Variants in FGD6 observed in about 807,000 individuals in gnomAD.
The protein encoded by FGD6 is FYVE, RhoGEF and PH domain-containing protein 6.
A neutral mutation model predicts 149.4 loss-of-function variants in FGD6; 90 were observed. The ratio of observed to expected loss-of-function variants is 0.60; its 90% CI spans 0.51 to 0.72. The LOEUF (loss-of-function observed/expected upper bound fraction) is 0.72, where lower values mean the gene tolerates loss of function less well. Among genes scored for constraint, FGD6 ranks in the 30% least tolerant of loss-of-function variants. FGD6 has a pLI of 0.00. For missense variants in FGD6, 1,437 were observed against 1,684.8 expected (o/e 0.85, Z 2.57); for synonymous variants, 527 against 584.0 (o/e 0.90, Z 1.41).
At chr12:95,195,275 C>A (rs1175765965) in intron 2 of FGD6, among the ~76,000 whole-genome samples, 4 of 152,122 alleles carry the variant, frequency 2.6e-5, no homozygotes, top group African/African-American at 9.7e-5. Context: ...ACATAAGAAT[C>A]AGAGATCTCT....
At chr12:95,128,191 CTGAG>C (rs1266981722) in intron 8 of FGD6, among the ~76,000 whole-genome samples, 6 of 152,270 alleles carry the variant, frequency 3.9e-5, no homozygotes, top group Admixed American at 1.3e-4. Context: ...CTTTCTCAAA[CTGAG>C]TGAGTATCTT....
In FGD6 at chr12:95,209,395, A is replaced by G. The variant is rs1334659544; in HGVS notation, c.1889T>C (p.Leu630Ser). 1.8e-5 allele frequency: 29 copies of G among 1,613,114 alleles called. No individual in the cohort carries two copies. Among genetic ancestry groups the G allele is most frequent in the Non-Finnish European group, 2.2e-5 (26 of 1,179,418 alleles). The change falls in exon 2 of 21, where the codon TTG becomes TCG. Residue 630 changes from leucine (L) to serine (S), a missense_variant. This residue lies in a region of FGD6 where 1,055 missense variants were observed against 1,146.0 expected (regional missense o/e 0.92). Coordinates refer to ENST00000343958, the MANE Select transcript of FGD6 (RefSeq NM_018351.4). Reference sequence around the variant, plus strand: ...ACAGATGGACAGTTTCATGCTGAGCAACTTTTTAAAAGAGTTTTTCTTTGT... The same window carrying G: ...ACAGATGGACAGTTTCATGCTGAGCGACTTTTTAAAAGAGTTTTTCTTTGT... Reference protein sequence around the residue: ...DSTKKNSFKKLLSMKLSICFM... With the variant: ...DSTKKNSFKKSLSMKLSICFM...
intron 5 of FGD6, among the ~76,000 whole-genome samples, chr12:95,149,656 C>CA (rs71078613): frequency 4.3e-4 from 59 of 137,706 alleles, no homozygotes; most frequent in East Asian, 8.1e-4. Flanking sequence ...ACCCTTTTTT[C>CA]AAAAAAAAAG....
At chr12:95,160,893 C>T (rs887856170) in intron 3 of FGD6, among the ~76,000 whole-genome samples, 4 of 151,702 alleles carry the variant, frequency 2.6e-5, no homozygotes, top group African/African-American at 9.7e-5. Context: ...AACAAAGAAC[C>T]CACTTGTGGC....
intron 2 of FGD6, 60 bp downstream of exon 2, chr12:95,208,783 C>T: frequency 6.5e-7 from 1 of 1,535,304 alleles, no homozygotes; most frequent in African/African-American, 1.4e-5. Flanking sequence ...CCTAACTCAC[C>T]AGGCTGTTGA....
intron 2 of FGD6, among the ~76,000 whole-genome samples, chr12:95,201,796 C>G (rs1023159633): frequency 3.9e-5 from 6 of 152,048 alleles, no homozygotes; most frequent in African/African-American, 1.4e-4. Context: ...ATATCCTTGG[C>G]TAAATTTAAG....
chr12:95,137,038 G>T (rs565528355), intron 7 of FGD6, among the ~76,000 whole-genome samples: 35 of 152,300 alleles, frequency 2.3e-4, no homozygotes, highest in African/African-American at 8.2e-4. Context: ...AGCACTTTGG[G>T]AGGCCGAGCA....
chr12:95,153,593 A>T (rs962133378), intron 3 of FGD6, among the ~76,000 whole-genome samples: 1 of 152,158 alleles, frequency 6.6e-6, no homozygotes, highest in Non-Finnish European at 1.5e-5. Flanking sequence ...CTCAGAAGGC[A>T]GAGGTTGCAG....
intron 8 of FGD6, among the ~76,000 whole-genome samples, 164 bp downstream of exon 8, chr12:95,134,575 G>C (rs902154257): frequency 5.9e-5 from 9 of 152,140 alleles, no homozygotes; most frequent in Non-Finnish European, 1.3e-4. Context: ...TTCAGTTCAG[G>C]CAACGTATAT....
chr12:95,181,415 C>T (rs921536999), intron 2 of FGD6, among the ~76,000 whole-genome samples: 2 of 152,134 alleles, frequency 1.3e-5, no homozygotes, highest in Non-Finnish European at 2.9e-5. Flanking sequence ...CACTCTTGGC[C>T]ATCTAGCTTA....
intron 18 of FGD6, 62 bp from the exon 19 acceptor site, chr12:95,085,970 T>C (rs1877851813): frequency 6.0e-6 from 9 of 1,504,692 alleles, no homozygotes; most frequent in East Asian, 2.3e-5. Context: ...AGCAAAATTA[T>C]TTGCAACCAA....
intron 2 of FGD6, among the ~76,000 whole-genome samples, chr12:95,190,988 A>G (rs1881572082): frequency 6.6e-6 from 1 of 152,250 alleles, no homozygotes; most frequent in Non-Finnish European, 1.5e-5. Flanking sequence ...AGCTACCTAC[A>G]GACTGCCTAG....
At position 95,210,200 on chromosome 12, in the gene FGD6, T is replaced by C. The variant is rs773122761; in HGVS notation, c.1084A>G (p.Ser362Gly). Reference sequence around the variant, plus strand: ...CACAAAACATTCTGATGCAGAACACTGATTTTATTGATTTTCAAACTATTT... The same window carrying C: ...CACAAAACATTCTGATGCAGAACACCGATTTTATTGATTTTCAAACTATTT... ...TENSLKINKI[S>G]VLHQNVLCKQ... is the part of the protein sequence containing the mutation. The change falls in exon 2 of 21, where the codon AGT (serine) becomes GGT (glycine). Residue 362 changes from serine (S) to glycine (G), a missense_variant. This residue lies in a region of FGD6 where 1,055 missense variants were observed against 1,146.0 expected (regional missense o/e 0.92). Transcript: ENST00000343958. 3.7e-6 allele frequency: 6 copies of C among 1,614,040 alleles called. No homozygotes were observed. In the Admixed American group the frequency reaches 6.7e-5, roughly 18 times the overall value.
chr12:95,121,480 T>A (rs1202265582), intron 8 of FGD6, among the ~76,000 whole-genome samples: 2 of 49,600 alleles, frequency 4.0e-5, no homozygotes, highest in African/African-American at 2.5e-4. Context: ...TATATATATA[T>A]GTATATATAT....
chr12:95,134,114 G>A (rs959652461), intron 8 of FGD6, among the ~76,000 whole-genome samples: 3 of 152,044 alleles, frequency 2.0e-5, no homozygotes, highest in African/African-American at 4.8e-5. Context: ...TACTTATGTA[G>A]AACTTGTTAT....
At chr12:95,146,741 A>G (rs1880026847) in intron 5 of FGD6, among the ~76,000 whole-genome samples, 1 of 152,172 alleles carries the variant, frequency 6.6e-6, no homozygotes, top group South Asian at 2.1e-4. Context: ...TATGAAGCAT[A>G]TGATAATATT....
At chr12:95,140,527 G>C (rs1270489014) in intron 6 of FGD6, among the ~76,000 whole-genome samples, 1 of 152,130 alleles carries the variant, frequency 6.6e-6, no homozygotes, top group Admixed American at 6.5e-5. Context: ...TGAGACAGAA[G>C]AATCACTTGA....
intron 15 of FGD6, among the ~76,000 whole-genome samples, 164 bp from the exon 16 acceptor site, chr12:95,093,009 T>C (rs564275325): frequency 1.5e-4 from 22 of 151,606 alleles, no homozygotes; most frequent in African/African-American, 4.8e-4. Flanking sequence ...TCACATGAGG[T>C]ACGGAGTTTG....
intron 8 of FGD6, 46 bp from the exon 9 acceptor site, chr12:95,113,747 G>A (rs757162477): frequency 4.0e-6 from 5 of 1,246,930 alleles, no homozygotes; most frequent in Middle Eastern, 2.2e-4. Flanking sequence ...AAACCAGTGA[G>A]CCCCAAACAC....
Sources: allele counts gnomAD v4.1 joint callset (sites outside exome capture counted in the v4.1 genomes callset), GRCh38; gene constraint gnomAD v4.1.1; regional missense constraint gnomAD v4.1.1; transcripts MANE v1.5; gene names NCBI Gene and HGNC (gene_info 2026-07-23, HGNC 2026-07-21).